Variants in PIGN observed in about 807,000 individuals in gnomAD.
PIGN encodes the protein GPI ethanolamine phosphate transferase 1.
In PIGN, 117 loss-of-function variants were observed where a neutral mutation model predicts 125.4. That is an observed-to-expected ratio of 0.93 (90% CI 0.80 to 1.09). PIGN has a LOEUF of 1.09. Among genes scored for constraint, PIGN ranks in the 50% least tolerant of loss-of-function variants. The probability of loss-of-function intolerance (pLI) is 0.00; values close to 1 mark genes in which losing one functional copy is unlikely to be tolerated. For synonymous variants in PIGN, 392 were observed against 377.8 expected, an observed-to-expected ratio of 1.04 and a Z score of -0.44; for missense variants, 1,075 against 1,094.9, an observed-to-expected ratio of 0.98 and a Z score of 0.26.
At chr18:62,085,860 C>G (rs1322875718) in intron 25 of PIGN, among the ~76,000 whole-genome samples, 2 of 152,182 alleles carry the variant, frequency 1.3e-5, no homozygotes, top group Admixed American at 1.3e-4. Context: ...GCTAGCAAAG[C>G]ACTTAAAATG....
At chr18:62,071,906 AT>A (rs2032895015) in intron 30 of PIGN, among the ~76,000 whole-genome samples, 1 of 100,708 alleles carries the variant, frequency 9.9e-6, no homozygotes, top group Non-Finnish European at 2.1e-5. Flanking sequence ...ATATATATAT[AT>A]ATAAATTTAA....
In PIGN at chr18:62,138,970, A is replaced by T; in HGVS notation, c.1116+13T>A. 7 of 1,324,466 alleles carry T rather than the reference A, an allele frequency of 5.3e-6. No individual in the cohort carries two copies. Among genetic ancestry groups the T allele is most frequent in the Admixed American group, 2.1e-5 (1 of 48,044 alleles). The allele number at this position is 1,324,466 out of a possible 1,614,324, so 82.0% of individuals were successfully genotyped here. On this transcript the variant is annotated intron_variant, in intron 13 of 30. Transcript: ENST00000640252. ...TCCATTTTTGTGCGTGCCTTTTTGA[A>T]TTTTTTTTTTACCTTGAACTGTTCA... is the stretch of plus-strand genomic sequence containing the variant.
intron 10 of PIGN, among the ~76,000 whole-genome samples, chr18:62,145,017 G>T (rs199640537): frequency 0.023 from 3,010 of 130,362 alleles, 109 homozygotes; most frequent in East Asian, 0.094. Flanking sequence ...GCGGGGGGGG[G>T]GGGGCAGGGT....
At chr18:62,022,112 G>A (rs1472628775) in intron 23 of PIGN, among the ~76,000 whole-genome samples, 1 of 152,110 alleles carries the variant, frequency 6.6e-6, no homozygotes, top group Non-Finnish European at 1.5e-5. Flanking sequence ...CCTCCAGTCT[G>A]CTATGATGGC....
intron 30 of PIGN, chr18:62,070,028 G>A (rs1263803332): frequency 1.8e-5 from 3 of 166,436 alleles, no homozygotes; most frequent in African/African-American, 7.1e-5. Context: ...CAAAAAAACA[G>A]AATTACAGAA....
chr18:62,117,081 T>C (rs1173027993), intron 14 of PIGN, among the ~76,000 whole-genome samples: 2 of 152,118 alleles, frequency 1.3e-5, no homozygotes, highest in Non-Finnish European at 2.9e-5. Context: ...ACTTGGGACA[T>C]GCCAAAGGTA....
chr18:62,084,249 C>A (rs1255968124), intron 27 of PIGN, among the ~76,000 whole-genome samples: 1 of 152,186 alleles, frequency 6.6e-6, no homozygotes, highest in East Asian at 1.9e-4. Context: ...TTTAGCAGCA[C>A]TGCAGTTTGA....
At chr18:62,177,931 A>T (rs1568262535) in intron 1 of PIGN, among the ~76,000 whole-genome samples, 1 of 151,988 alleles carries the variant, frequency 6.6e-6, no homozygotes, top group Non-Finnish European at 1.5e-5. Context: ...CTTAGCCTTC[A>T]CCTTCTGCTT....
intron 27 of PIGN, 119 bp downstream of exon 27, chr18:62,084,412 T>G: frequency 4.8e-6 from 3 of 623,746 alleles, no homozygotes; most frequent in Non-Finnish European, 8.4e-6. Context: ...CACCTCCAGT[T>G]TAGCAGTGCC....
chr18:62,126,429 G>C (rs7504504), intron 14 of PIGN, among the ~76,000 whole-genome samples: 36,088 of 151,870 alleles, frequency 0.24, 4,534 homozygotes, highest in Middle Eastern at 0.38. Context: ...TGATTTATTA[G>C]GCTGGAGCAA....
intron 23 of PIGN, among the ~76,000 whole-genome samples, chr18:62,091,901 G>A (rs992052796): frequency 3.7e-4 from 57 of 152,140 alleles, no homozygotes; most frequent in Non-Finnish European, 1.0e-4. Context: ...TTTGCTGAGT[G>A]AGTTATTTAT....
chr18:62,141,023 G>A lies in PIGN; in HGVS notation c.964-544C>T, dbSNP rs374652088. 1.1e-4 allele frequency among the ~76,000 whole-genome samples: 16 copies of A among 152,024 alleles called. No homozygotes were observed. In the East Asian group the frequency reaches 2.3e-3, roughly 22 times the overall value. The stretch of plus-strand genomic sequence containing the variant: ...AGTTGTTCATGCTTTTTCTATCTTC[G>A]CTTCCTCACCTTCCCATCACTCTTC... On this transcript the variant is annotated intron_variant, in intron 11 of 30. Coordinates refer to ENST00000640252, the MANE Select transcript of PIGN (RefSeq NM_176787.5).
At chr18:62,047,465 C>G (rs529124743) in intron 30 of PIGN, among the ~76,000 whole-genome samples, 5 of 152,312 alleles carry the variant, frequency 3.3e-5, no homozygotes, top group South Asian at 4.1e-4. Context: ...GTAGAAAGGC[C>G]ATTCCTTTCC....
chr18:62,138,301 G>A lies in PIGN; in HGVS notation c.1117-3C>T. Reference sequence around the variant, plus strand: ...TCTTTCTTCTGAGTCATTTTCACCTGGGAACCAAGTATGAAAATATTACAA... The same window carrying A: ...TCTTTCTTCTGAGTCATTTTCACCTAGGAACCAAGTATGAAAATATTACAA... On this transcript the variant is annotated splice_polypyrimidine_tract_variant and splice_region_variant and intron_variant, in intron 13 of 30. Transcript: ENST00000640252. 2.6e-6 allele frequency: 4 copies of A among 1,536,058 alleles called. No homozygotes were observed. The highest frequency in any genetic ancestry group is 3.5e-6 in the Non-Finnish European group (4 of 1,139,442).
intron 6 of PIGN, among the ~76,000 whole-genome samples, chr18:62,155,955 C>A (rs929263140): frequency 1.3e-5 from 2 of 152,146 alleles, no homozygotes; most frequent in Non-Finnish European, 2.9e-5. Context: ...CTGTAAAATT[C>A]TCAATATATA....
At chr18:62,104,246 T>G (rs2034553820) in intron 20 of PIGN, among the ~76,000 whole-genome samples, 1 of 152,192 alleles carries the variant, frequency 6.6e-6, no homozygotes, top group Non-Finnish European at 1.5e-5. Context: ...ACAAGTTTAT[T>G]TGCTTCCCAC....
chr18:62,109,322 T>C (rs2034779656), intron 17 of PIGN, among the ~76,000 whole-genome samples: 1 of 152,140 alleles, frequency 6.6e-6, no homozygotes, highest in Non-Finnish European at 1.5e-5. Flanking sequence ...CCACAGCACA[T>C]GTGAAAAATA....
chr18:62,083,677 A>G (rs1355143461), intron 27 of PIGN, among the ~76,000 whole-genome samples: 1 of 152,142 alleles, frequency 6.6e-6, no homozygotes, highest in East Asian at 1.9e-4. Flanking sequence ...AATGGTCTTT[A>G]ATAAACTGGG....
intron 30 of PIGN, among the ~76,000 whole-genome samples, chr18:62,055,758 G>C (rs2031668021): frequency 1.3e-5 from 2 of 151,636 alleles, no homozygotes; most frequent in South Asian, 4.2e-4. Context: ...TAGTTCACAG[G>C]CTGTACAAAA....
Sources: allele counts gnomAD v4.1 joint callset (sites outside exome capture counted in the v4.1 genomes callset), GRCh38; gene constraint gnomAD v4.1.1; transcripts MANE v1.5; gene names NCBI Gene and HGNC (gene_info 2026-07-23, HGNC 2026-07-21).